The following PTGFRN variants were observed in gnomAD, a reference collection of about 807,000 sequenced individuals.
PTGFRN encodes the protein prostaglandin F2 receptor negative regulator.
A neutral mutation model predicts 83.2 loss-of-function variants in PTGFRN; 35 were observed. That is an observed-to-expected ratio of 0.42 (90% CI 0.32 to 0.56). The LOEUF (loss-of-function observed/expected upper bound fraction) is 0.56. Among genes scored for constraint, PTGFRN ranks in the 20% least tolerant of loss-of-function variants. The probability of loss-of-function intolerance (pLI) is 0.11; values close to 1 mark genes in which losing one functional copy is unlikely to be tolerated. For synonymous variants in PTGFRN, 519 were observed against 498.6 expected, an observed-to-expected ratio of 1.04 and a Z score of -0.55; for missense variants, 1,051 against 1,179.5, an observed-to-expected ratio of 0.89 and a Z score of 1.60.
chr1:116,959,666 A>G (rs1160622535), intron 4 of PTGFRN, among the ~76,000 whole-genome samples: 5 of 152,156 alleles, frequency 3.3e-5, no homozygotes, highest in African/African-American at 4.8e-5. Flanking sequence ...GCAAAGTGCT[A>G]TGGAAGAAAA....
intron 1 of PTGFRN, among the ~76,000 whole-genome samples, chr1:116,928,356 C>T (rs894639801): frequency 1.3e-5 from 2 of 152,168 alleles, no homozygotes; most frequent in Admixed American, 1.3e-4. Context: ...AATTGTGATT[C>T]CCTGATTTTG....
chr1:116,924,487 G>A (rs1649608941), intron 1 of PTGFRN, among the ~76,000 whole-genome samples: 1 of 152,146 alleles, frequency 6.6e-6, no homozygotes, highest in South Asian at 2.1e-4. Flanking sequence ...CTGGATTGGG[G>A]ACTTTTGTAA....
At chr1:116,913,249 G>C (rs1365236026) in intron 1 of PTGFRN, among the ~76,000 whole-genome samples, 1 of 152,202 alleles carries the variant, frequency 6.6e-6, no homozygotes, top group Non-Finnish European at 1.5e-5. Context: ...TTTTGCTGAA[G>C]AAGTGACATT....
chr1:116,976,311 C>G (rs1651154101), intron 7 of PTGFRN, among the ~76,000 whole-genome samples: 1 of 152,164 alleles, frequency 6.6e-6, no homozygotes, highest in Non-Finnish European at 1.5e-5. Flanking sequence ...AGGATATTGT[C>G]CAGTAGAACT....
chr1:116,938,289 C>T (rs1448007715), intron 1 of PTGFRN, among the ~76,000 whole-genome samples: 2 of 152,094 alleles, frequency 1.3e-5, no homozygotes. Flanking sequence ...AATATTAGTC[C>T]GTTTTCACGC....
intron 5 of PTGFRN, chr1:116,962,464 C>G (rs1430087190): frequency 6.6e-6 from 1 of 152,288 alleles, no homozygotes; most frequent in Non-Finnish European, 1.5e-5. Flanking sequence ...ACCAGAAATT[C>G]TATTTTAGTT....
At chr1:116,919,260 TA>T (rs1380012247) in intron 1 of PTGFRN, among the ~76,000 whole-genome samples, 5 of 152,278 alleles carry the variant, frequency 3.3e-5, no homozygotes, top group East Asian at 3.9e-4. Context: ...GAAAAGGCAG[TA>T]ACCTATGACT....
intron 1 of PTGFRN, among the ~76,000 whole-genome samples, chr1:116,940,447 T>C (rs528045059): frequency 1.3e-3 from 201 of 152,354 alleles, no homozygotes; most frequent in African/African-American, 4.7e-3. Flanking sequence ...GGGCTCACCC[T>C]ATTCCAGTAT....
chr1:116,944,358 CT>C (rs1650128849), intron 2 of PTGFRN, among the ~76,000 whole-genome samples: 1 of 152,198 alleles, frequency 6.6e-6, no homozygotes, highest in Non-Finnish European at 1.5e-5. Context: ...TGTCATCCTC[CT>C]TTTAGGAAAC....
Position 116,967,159 on chromosome 1 carries a change from T to G in PTGFRN, c.1888T>G (p.Leu630Val). 1 of 1,614,156 alleles carries G rather than the reference T, an allele frequency of 6.2e-7. No individual in the cohort carries two copies. Residue 630 changes from leucine to valine, a missense_variant, in exon 6 of 9, where the codon TTA becomes GTA. Transcript: ENST00000393203. ...TDASRVDGVV[L>V]EKVQEDEFRY... ...TGCATCACGGGTGGATGGCGTTGTT[T>G]TAGAAAAAGTGCAGGAGGATGAGTT...
In PTGFRN at chr1:116,941,642, A is replaced by C. The variant is rs1650063103; in HGVS notation, c.50-73A>C. ...GCCATGCCTGTGAGCAGGAGCATCC[A>C]CAGGTTTGCCACATTTGTCCTGGGA... On this transcript the variant is annotated intron_variant, in intron 1 of 8. Transcript: ENST00000393203. This position sits in a 1 kb window ranked among gnomAD's most constrained non-coding sequence, Gnocchi z 5.0. The C allele has an allele frequency of 2.0e-6, 3 of 1,528,564 alleles. No individual in the cohort carries two copies. Among genetic ancestry groups the C allele is most frequent in the African/African-American group, 1.4e-5 (1 of 72,718 alleles). The allele number at this position is 1,528,564 out of a possible 1,614,324, so 94.7% of individuals were successfully genotyped here.
At chr1:116,953,696 T>C (rs1162261885) in intron 4 of PTGFRN, among the ~76,000 whole-genome samples, 1 of 151,990 alleles carries the variant, frequency 6.6e-6, no homozygotes, top group Non-Finnish European at 1.5e-5. Context: ...ATTAGGAACA[T>C]GTGTGTCCTA....
At chr1:116,980,021 GA>G (rs1286514575) in intron 7 of PTGFRN, among the ~76,000 whole-genome samples, 1 of 125,326 alleles carries the variant, frequency 8.0e-6, no homozygotes, top group Non-Finnish European at 1.7e-5. Context: ...AAATTTACAA[GA>G]AAAAAACAAC....
At chr1:116,946,549 T>C (rs1413161781) in intron 3 of PTGFRN, among the ~76,000 whole-genome samples, 1 of 152,212 alleles carries the variant, frequency 6.6e-6, no homozygotes, top group Non-Finnish European at 1.5e-5. Flanking sequence ...GAATTTGAAT[T>C]GTAAAGACAT....
At chr1:116,944,611 G>T (rs2101065098) in intron 2 of PTGFRN, 68 bp from the exon 3 acceptor site, 1 of 1,319,392 alleles carries the variant, frequency 7.6e-7, no homozygotes. Context: ...TGGTTGCAGC[G>T]GTGGGCTGGC....
chr1:116,980,576 A>C, intron 7 of PTGFRN, among the ~76,000 whole-genome samples: 1 of 152,184 alleles, frequency 6.6e-6, no homozygotes, highest in Non-Finnish European at 1.5e-5. Context: ...GAAGCTGGAA[A>C]CCATCATTCT....
chr1:116,931,986 C>A (rs78129322), intron 1 of PTGFRN, among the ~76,000 whole-genome samples: 5,876 of 152,280 alleles, frequency 0.039, 154 homozygotes, highest in African/African-American at 0.07. Context: ...ACTGCTGATA[C>A]TTATCTTACA....
chr1:116,913,960 A>T (rs1408470495), intron 1 of PTGFRN, among the ~76,000 whole-genome samples: 2 of 152,254 alleles, frequency 1.3e-5, no homozygotes, highest in Admixed American at 1.3e-4. Context: ...CAAAAGCATT[A>T]CATCTGTATT....
At chr1:116,911,508 C>T (rs528810683) in intron 1 of PTGFRN, among the ~76,000 whole-genome samples, 31 of 152,360 alleles carry the variant, frequency 2.0e-4, no homozygotes, top group African/African-American at 7.5e-4. Flanking sequence ...CTTCCTTCAC[C>T]TTGAAGGGAT....
Sources: gnomAD v4.1 joint callset for allele counts (sites outside exome capture counted in the v4.1 genomes callset) on GRCh38, gnomAD v4.1.1 for gene constraint, Gnocchi (gnomAD v3.1) non-coding constraint, MANE v1.5 for transcripts, NCBI Gene and HGNC (gene_info 2026-07-23, HGNC 2026-07-21) for gene names.